CNTN5: variants seen among roughly 807,000 people sequenced by gnomAD.
The protein encoded by CNTN5 is contactin-5.
Under a neutral mutation model 129.1 loss-of-function variants are expected in CNTN5, and 77 were observed. That is an observed-to-expected ratio of 0.60 (90% CI 0.50 to 0.72). CNTN5 has a LOEUF of 0.72. Ranked by LOEUF, CNTN5 falls within the 30% of genes least tolerant of loss-of-function variation. The pLI, the probability that CNTN5 is intolerant of heterozygous loss-of-function variation, is 0.00. For synonymous variants in CNTN5, 509 were observed against 465.6 expected, an observed-to-expected ratio of 1.09 and a Z score of -1.20; for missense variants, 1,478 against 1,328.8, an observed-to-expected ratio of 1.11 and a Z score of -1.75.
chr11:100,196,791 C>T (rs901329960), intron 15 of CNTN5, among the ~76,000 whole-genome samples: 2 of 151,862 alleles, frequency 1.3e-5, no homozygotes, highest in Admixed American at 6.6e-5. Context: ...AACATTTGAT[C>T]CAATTCATCC....
At chr11:99,401,294 A>G (rs936861595) in intron 2 of CNTN5, among the ~76,000 whole-genome samples, 2 of 152,144 alleles carry the variant, frequency 1.3e-5, no homozygotes, top group Non-Finnish European at 2.9e-5. Flanking sequence ...ATTGTTCTGC[A>G]TATTGATATC....
intron 3 of CNTN5, among the ~76,000 whole-genome samples, chr11:99,815,658 G>T (rs1221127244): frequency 6.6e-6 from 1 of 152,130 alleles, no homozygotes; most frequent in Non-Finnish European, 1.5e-5. Context: ...GCAGTGCCCT[G>T]TGTGGAGCAG....
Position 100,313,843 on chromosome 11 carries a change from C to G in CNTN5, c.2730+5375C>G, listed in dbSNP as rs1258635321. ...AATCAGTTTTGTAGCAGGAATACCA[C>G]GTATGAATAAAAAAAGTTAAAGGAG... On this transcript the variant is annotated intron_variant, in intron 21 of 24. Transcript: ENST00000524871. Among the ~76,000 whole-genome samples the G allele has an allele frequency of 2.0e-5, 3 of 151,838 alleles. No homozygotes were observed. The East Asian group carries it at 5.8e-4, about 29-fold the overall frequency.
intron 17 of CNTN5, 34 bp downstream of exon 17, chr11:100,255,952 A>T (rs1950059734): frequency 6.3e-7 from 1 of 1,596,278 alleles, no homozygotes; most frequent in South Asian, 1.1e-5. Context: ...AGATATAACC[A>T]GAGTGGCCTT....
chr11:99,773,909 G>A (rs1945030951), intron 3 of CNTN5, among the ~76,000 whole-genome samples: 1 of 151,968 alleles, frequency 6.6e-6, no homozygotes, highest in South Asian at 2.1e-4. Flanking sequence ...AACTACTAGT[G>A]GTTTCCTAGC....
rs11396242 is a variant in CNTN5, at chr11:99,390,131, C to CTTT, written c.-71+64655_-71+64657dup. Among the ~76,000 whole-genome samples, 16 of 149,210 alleles carry CTTT rather than the reference C, an allele frequency of 1.1e-4. No homozygotes were observed. In the East Asian group the frequency reaches 2.0e-3, roughly 18 times the overall value. ...TTCTCAAATAAAAAATAAAATAAGC[C>CTTT]TTTTTTTTTTGTCAGGGTCTCTGTT... On this transcript the variant is annotated intron_variant, in intron 2 of 24. Transcript: ENST00000524871.
At chr11:100,244,797 G>A (rs1249763770) in intron 16 of CNTN5, among the ~76,000 whole-genome samples, 1 of 151,950 alleles carries the variant, frequency 6.6e-6, no homozygotes, top group Non-Finnish European at 1.5e-5. Context: ...TGCATATTTT[G>A]TTTACCTATC....
chr11:100,330,238 C>G (rs1482786661), intron 21 of CNTN5, among the ~76,000 whole-genome samples: 1 of 152,092 alleles, frequency 6.6e-6, no homozygotes, highest in Non-Finnish European at 1.5e-5. Context: ...CTCTGGAGCT[C>G]AAAGACAAGG....
intron 1 of CNTN5, among the ~76,000 whole-genome samples, chr11:99,209,614 T>A (rs545802868): frequency 6.6e-6 from 1 of 152,256 alleles, no homozygotes; most frequent in African/African-American, 2.4e-5. Context: ...AACAGGAGAT[T>A]TGAAGAGAAC....
At chr11:99,724,857 G>A (rs10893796) in intron 3 of CNTN5, among the ~76,000 whole-genome samples, 19,223 of 152,082 alleles carry the variant, frequency 0.13, 1,317 homozygotes, top group Middle Eastern at 0.15. Flanking sequence ...ACTACAAGCT[G>A]TTATATATGT....
At chr11:99,403,987 A>G (rs76649131) in intron 2 of CNTN5, among the ~76,000 whole-genome samples, 13,726 of 152,158 alleles carry the variant, frequency 0.09, 685 homozygotes, top group South Asian at 0.16. Flanking sequence ...ATTGGAGTCT[A>G]TCTCTGTATT....
chr11:99,841,231 C>T (rs1591291693), intron 4 of CNTN5, among the ~76,000 whole-genome samples: 1 of 152,230 alleles, frequency 6.6e-6, no homozygotes, highest in African/African-American at 2.4e-5. Context: ...AGAGATGTCT[C>T]ACAAAGTATG....
At chr11:99,598,194 C>T (rs1003012803) in intron 3 of CNTN5, among the ~76,000 whole-genome samples, 1 of 152,020 alleles carries the variant, frequency 6.6e-6, no homozygotes, top group Admixed American at 6.6e-5. Context: ...CCATGCTACC[C>T]CCATTCCTCA....
intron 7 of CNTN5, among the ~76,000 whole-genome samples, chr11:99,943,293 T>C (rs918273941): frequency 2.0e-5 from 3 of 152,162 alleles, no homozygotes; most frequent in African/African-American, 7.2e-5. Context: ...CCAGTGATGA[T>C]AGGCTTTTTT....
At chr11:99,364,772 T>C (rs1939339413) in intron 2 of CNTN5, among the ~76,000 whole-genome samples, 1 of 152,010 alleles carries the variant, frequency 6.6e-6, no homozygotes, top group Admixed American at 6.6e-5. Flanking sequence ...AGAAGGAAGA[T>C]TGGTTGAGCT....
chr11:99,345,319 C>G (rs7116882), intron 2 of CNTN5, among the ~76,000 whole-genome samples: 2 of 151,906 alleles, frequency 1.3e-5, no homozygotes, highest in South Asian at 2.1e-4. Context: ...TTTTTAGTGA[C>G]GTAAACTGAA....
intron 3 of CNTN5, among the ~76,000 whole-genome samples, chr11:99,566,503 T>A (rs77429825): frequency 6.6e-6 from 1 of 152,238 alleles, no homozygotes; most frequent in African/African-American, 2.4e-5. Flanking sequence ...CTGTAAATTT[T>A]ACTTAATGTC....
intron 1 of CNTN5, among the ~76,000 whole-genome samples, chr11:99,151,641 T>C (rs2135489106): frequency 6.6e-6 from 1 of 152,264 alleles, no homozygotes; most frequent in South Asian, 2.1e-4. Context: ...GTGAAATATT[T>C]GGGAACCAAC....
rs1410672772 is a variant in CNTN5, at chr11:100,346,800, A to G, written c.3031-3902A>G. Among the ~76,000 whole-genome samples, 15 of 152,140 alleles carry G rather than the reference A, an allele frequency of 9.9e-5. 1 individual carries two copies. Among genetic ancestry groups the G allele is most frequent in the Admixed American group, 5.9e-4 (9 of 15,264 alleles). ...AATAGTCCATTTTCACATTGCTAATAAAGTCATTCCTGAGACTGAGCAATT... is the reference window on the plus strand; with the variant it reads ...AATAGTCCATTTTCACATTGCTAATGAAGTCATTCCTGAGACTGAGCAATT... On this transcript the variant is annotated intron_variant, in intron 23 of 24. Transcript: ENST00000524871.
Sources: gnomAD v4.1 joint callset for allele counts (sites outside exome capture counted in the v4.1 genomes callset) on GRCh38, gnomAD v4.1.1 for gene constraint, MANE v1.5 for transcripts, NCBI Gene and HGNC (gene_info 2026-07-23, HGNC 2026-07-21) for gene names.